Variants in CNTN4 observed in about 807,000 individuals in gnomAD.
CNTN4 encodes contactin-4.
CNTN4 carries 77 observed loss-of-function variants against 122.5 expected under a neutral mutation model. The ratio of observed to expected loss-of-function variants is 0.63; its 90% CI spans 0.52 to 0.76. CNTN4 has a LOEUF of 0.76. Ranked by LOEUF, CNTN4 falls within the 30% of genes least tolerant of loss-of-function variation. The pLI, the probability that CNTN4 is intolerant of heterozygous loss-of-function variation, is 0.00. For synonymous variants in CNTN4, 512 were observed against 447.0 expected, an observed-to-expected ratio of 1.15 and a Z score of -1.83; for missense variants, 1,256 against 1,259.1, an observed-to-expected ratio of 1.00 and a Z score of 0.04.
intron 12 of CNTN4, among the ~76,000 whole-genome samples, chr3:2,905,696 G>T (rs769083691): frequency 6.6e-6 from 1 of 152,190 alleles, no homozygotes; most frequent in Non-Finnish European, 1.5e-5. Flanking sequence ...AACAATAAAG[G>T]CATGTCATCA....
At chr3:2,535,719 T>A (rs548674444) in intron 3 of CNTN4, among the ~76,000 whole-genome samples, 1 of 152,328 alleles carries the variant, frequency 6.6e-6, no homozygotes, top group South Asian at 2.1e-4. Flanking sequence ...TTGGTAGTTG[T>A]ATATTTTGAT....
intron 6 of CNTN4, among the ~76,000 whole-genome samples, chr3:2,764,741 G>A (rs2090763868): frequency 6.6e-6 from 1 of 152,184 alleles, no homozygotes. Context: ...CCATCCACCT[G>A]TAACAATAAC....
intron 3 of CNTN4, among the ~76,000 whole-genome samples, chr3:2,442,231 T>C (rs1402248680): frequency 6.6e-6 from 1 of 152,194 alleles, no homozygotes; most frequent in Non-Finnish European, 1.5e-5. Context: ...TCCCTCCTGT[T>C]TCTATTATGC....
chr3:2,736,728 G>T (rs970089079), intron 5 of CNTN4, among the ~76,000 whole-genome samples: 5 of 151,912 alleles, frequency 3.3e-5, no homozygotes, highest in African/African-American at 1.2e-4. Context: ...CTCCCAAAGT[G>T]CTGGGATTAC....
At chr3:2,109,395 T>C (rs958057778) in intron 2 of CNTN4, among the ~76,000 whole-genome samples, 16 of 152,134 alleles carry the variant, frequency 1.1e-4, no homozygotes, top group Admixed American at 9.8e-4. Flanking sequence ...GTTAAAAAAA[T>C]CATATGATTT....
chr3:2,553,786 G>T (rs963089624), intron 3 of CNTN4, among the ~76,000 whole-genome samples: 1 of 152,128 alleles, frequency 6.6e-6, no homozygotes, highest in African/African-American at 2.4e-5. Context: ...ACTATTAACT[G>T]AATTATTTCT....
At chr3:2,804,721 C>G (rs371744499) in intron 6 of CNTN4, among the ~76,000 whole-genome samples, 1 of 123,640 alleles carries the variant, frequency 8.1e-6, no homozygotes, top group African/African-American at 3.0e-5. Context: ...CCAACCACAC[C>G]CACATATTTT....
rs186124382 is a variant in CNTN4, at chr3:2,134,768, T to A, written c.-145+34129T>A. On this transcript the variant is annotated intron_variant, in intron 2 of 24. Coordinates refer to ENST00000418658, the MANE Select transcript of CNTN4 (RefSeq NM_175607.3). ...CAGAATTCTCCAGAGAAACAGAACA[T>A]ATATGATGGCCCAGCTTATGCGGCA... 1.5e-4 allele frequency among the ~76,000 whole-genome samples: 23 copies of A among 152,288 alleles called. No individual in the cohort carries two copies. In the East Asian group the frequency reaches 4.4e-3, roughly 29 times the overall value.
chr3:3,014,339 G>A (rs1697541626), intron 14 of CNTN4, among the ~76,000 whole-genome samples: 2 of 152,112 alleles, frequency 1.3e-5, no homozygotes, highest in African/African-American at 4.8e-5. Context: ...CAGTAAATGT[G>A]GATTTGGAAA....
rs1210878030 is a variant in CNTN4, at chr3:2,783,842, A to C, written c.359-35644A>C. Among the ~76,000 whole-genome samples the C allele has an allele frequency of 2.0e-5, 3 of 152,182 alleles. No individual in the cohort carries two copies. The East Asian group carries it at 5.8e-4, about 29-fold the overall frequency. On this transcript the variant is annotated intron_variant, in intron 6 of 24. Coordinates refer to ENST00000418658, the MANE Select transcript of CNTN4 (RefSeq NM_175607.3). ...TTCCTAATCCACCAGGTTGACACTTAATGAATGTTCATGATGAATCCGTTC... is the reference window on the plus strand; with the variant it reads ...TTCCTAATCCACCAGGTTGACACTTCATGAATGTTCATGATGAATCCGTTC...
intron 2 of CNTN4, among the ~76,000 whole-genome samples, chr3:2,134,484 G>C (rs1489017156): frequency 6.6e-6 from 1 of 152,202 alleles, no homozygotes. Context: ...CATGAGTATT[G>C]TGAATGATGG....
chr3:2,345,131 A>C (rs7647768), intron 3 of CNTN4, among the ~76,000 whole-genome samples: 1,706 of 152,336 alleles, frequency 0.011, 44 homozygotes, highest in African/African-American at 0.039. Flanking sequence ...CTAAGAGAAC[A>C]CATCCCTGTG....
chr3:2,371,322 T>G (rs142918484), intron 3 of CNTN4, among the ~76,000 whole-genome samples: 1 of 152,340 alleles, frequency 6.6e-6, no homozygotes, highest in African/African-American at 2.4e-5. Context: ...AGGTACTTAC[T>G]GCCTTTTTAA....
intron 3 of CNTN4, among the ~76,000 whole-genome samples, chr3:2,521,568 C>G (rs1274055357): frequency 6.6e-6 from 1 of 152,016 alleles, no homozygotes; most frequent in Admixed American, 6.6e-5. Flanking sequence ...CTGCAAAGTG[C>G]TATTACTATT....
chr3:2,297,752 C>CA (rs1243528053), intron 2 of CNTN4, among the ~76,000 whole-genome samples: 13 of 152,050 alleles, frequency 8.5e-5, no homozygotes, highest in African/African-American at 3.1e-4. Flanking sequence ...TTGTCTGAGA[C>CA]AGAGTCTCAC....
chr3:2,264,697 A>T (rs1253234164), intron 2 of CNTN4, among the ~76,000 whole-genome samples: 2 of 151,986 alleles, frequency 1.3e-5, no homozygotes, highest in Non-Finnish European at 2.9e-5. Flanking sequence ...TACCCCAAAA[A>T]TCTTTTTTGA....
chr3:2,409,842 T>C (rs1023400101), intron 3 of CNTN4, among the ~76,000 whole-genome samples: 2 of 152,092 alleles, frequency 1.3e-5, no homozygotes, highest in Admixed American at 1.3e-4. Context: ...TTATATGTTA[T>C]ATGTAATTTT....
At chr3:2,400,412 TATATATATATATATAC>T (rs1270251095) in intron 3 of CNTN4, among the ~76,000 whole-genome samples, 4 of 62,158 alleles carry the variant, frequency 6.4e-5, no homozygotes, top group South Asian at 1.1e-3. Context: ...TGAATATATA[TATATATATATATATAC>T]ATATATATAT....
At chr3:2,446,903 C>G (rs939018114) in intron 3 of CNTN4, among the ~76,000 whole-genome samples, 7 of 152,256 alleles carry the variant, frequency 4.6e-5, no homozygotes, top group Admixed American at 3.9e-4. Flanking sequence ...TCGTTCTTCC[C>G]TTATTTACTT....
Sources: gnomAD v4.1 joint callset for allele counts (sites outside exome capture counted in the v4.1 genomes callset) on GRCh38, gnomAD v4.1.1 for gene constraint, MANE v1.5 for transcripts, NCBI Gene and HGNC (gene_info 2026-07-23, HGNC 2026-07-21) for gene names.